Variants in LRRTM4 observed in about 807,000 individuals in gnomAD.
The protein encoded by LRRTM4 is leucine-rich repeat transmembrane neuronal protein 4.
LRRTM4 carries 25 observed loss-of-function variants against 47.6 expected under a neutral mutation model. The ratio of observed to expected loss-of-function variants is 0.53; its 90% CI spans 0.38 to 0.73. The LOEUF (loss-of-function observed/expected upper bound fraction) is 0.73. LRRTM4 is among the 30% of genes least tolerant of loss of function. The pLI is 0.00. For synonymous variants in LRRTM4, 311 were observed against 269.5 expected (o/e 1.15, Z -1.51); for missense variants, 638 against 713.4 (o/e 0.89, Z 1.20).
intron 3 of LRRTM4, among the ~76,000 whole-genome samples, chr2:77,059,154 T>C (rs747331654): frequency 1.3e-5 from 2 of 152,184 alleles, no homozygotes; most frequent in Non-Finnish European, 2.9e-5. Flanking sequence ...CTTTTATACA[T>C]GGTTATTTAG....
At chr2:76,939,590 T>C (rs922770554) in intron 3 of LRRTM4, among the ~76,000 whole-genome samples, 3 of 151,884 alleles carry the variant, frequency 2.0e-5, no homozygotes, top group African/African-American at 7.3e-5. Context: ...ATCTTAGTAC[T>C]GAAGGAATAG....
chr2:77,334,370 G>A (rs1558693011), intron 3 of LRRTM4, among the ~76,000 whole-genome samples: 2 of 152,246 alleles, frequency 1.3e-5, no homozygotes, highest in East Asian at 3.9e-4. Flanking sequence ...ATCTTGAATT[G>A]TAATTCCCAC....
intron 3 of LRRTM4, among the ~76,000 whole-genome samples, chr2:76,784,688 A>T (rs1674579277): frequency 6.6e-6 from 1 of 152,078 alleles, no homozygotes; most frequent in Non-Finnish European, 1.5e-5. Context: ...ATAGCTTCCT[A>T]AGTTCTTATT....
At chr2:77,198,585 G>T (rs931974277) in intron 3 of LRRTM4, among the ~76,000 whole-genome samples, 2 of 152,148 alleles carry the variant, frequency 1.3e-5, no homozygotes, top group Non-Finnish European at 2.9e-5. Context: ...ATAAAGGAAT[G>T]AAAGTTTAGA....
chr2:76,966,880 A>T (rs1030175112), intron 3 of LRRTM4, among the ~76,000 whole-genome samples: 2 of 151,426 alleles, frequency 1.3e-5, no homozygotes, highest in African/African-American at 4.8e-5. Context: ...GATTGCTTGT[A>T]TTGCCTTCAT....
intron 3 of LRRTM4, among the ~76,000 whole-genome samples, chr2:77,189,905 T>C (rs1451076228): frequency 6.6e-6 from 1 of 152,174 alleles, no homozygotes. Context: ...TTAATAAATG[T>C]ATAAATACTT....
intron 3 of LRRTM4, among the ~76,000 whole-genome samples, chr2:76,920,680 A>G (rs986450058): frequency 1.2e-4 from 18 of 152,104 alleles, no homozygotes; most frequent in Non-Finnish European, 2.5e-4. Flanking sequence ...TAAATACAGA[A>G]TAATGCTACA....
intron 3 of LRRTM4, among the ~76,000 whole-genome samples, chr2:77,169,247 T>G (rs1261026644): frequency 6.6e-6 from 1 of 152,130 alleles, no homozygotes; most frequent in Non-Finnish European, 1.5e-5. Context: ...GGGAAATAAA[T>G]GAAAGGCATC....
intron 3 of LRRTM4, among the ~76,000 whole-genome samples, chr2:77,470,971 T>G (rs1677166849): frequency 6.6e-6 from 1 of 152,138 alleles, no homozygotes; most frequent in African/African-American, 2.4e-5. Context: ...CAGTGCTTCT[T>G]GCTTGGTGAT....
rs141533551 is a variant in LRRTM4, at chr2:77,068,980, C to T, written c.1552-320064G>A. 2.2e-4 allele frequency among the ~76,000 whole-genome samples: 34 copies of T among 152,288 alleles called. No homozygotes were observed. The East Asian group carries it at 5.8e-3, about 26-fold the overall frequency. On this transcript the variant is annotated intron_variant, in intron 3 of 3. Coordinates refer to ENST00000409884, the MANE Select transcript of LRRTM4 (RefSeq NM_001134745.3). ...AAGGGCATGTTCCTGCTGCAGATAT[C>T]TAGCCAGACCCACCCCTTTATTTGG...
intron 3 of LRRTM4, among the ~76,000 whole-genome samples, chr2:77,426,511 C>A (rs1290348567): frequency 6.6e-6 from 1 of 152,106 alleles, no homozygotes; most frequent in Non-Finnish European, 1.5e-5. Flanking sequence ...ACATCCCCAC[C>A]CAAACCTCAT....
chr2:76,769,895 A>G (rs960303859), intron 3 of LRRTM4, among the ~76,000 whole-genome samples: 1 of 152,196 alleles, frequency 6.6e-6, no homozygotes, highest in African/African-American at 2.4e-5. Context: ...TTTTTTCAGA[A>G]TGCTGAGAAG....
intron 3 of LRRTM4, among the ~76,000 whole-genome samples, chr2:77,436,952 C>G (rs1377318483): frequency 2.0e-5 from 3 of 151,738 alleles, no homozygotes; most frequent in Non-Finnish European, 4.4e-5. Flanking sequence ...ATCCACATAA[C>G]ATATATATAA....
intron 3 of LRRTM4, among the ~76,000 whole-genome samples, chr2:77,140,738 C>CT (rs1672096989): frequency 6.6e-6 from 1 of 152,038 alleles, no homozygotes; most frequent in Admixed American, 6.6e-5. Context: ...TGACAAAGGG[C>CT]TAATATCCAG....
chr2:76,758,856 TAC>T (rs1673155236), intron 3 of LRRTM4, among the ~76,000 whole-genome samples: 1 of 152,152 alleles, frequency 6.6e-6, no homozygotes, highest in Non-Finnish European at 1.5e-5. Context: ...TTGCAACCCA[TAC>T]AGTCTCTACC....
intron 3 of LRRTM4, among the ~76,000 whole-genome samples, chr2:77,005,000 A>G (rs1677583534): frequency 6.6e-6 from 1 of 152,156 alleles, no homozygotes; most frequent in African/African-American, 2.4e-5. Context: ...TGTATCTAAA[A>G]AGTAATTAAC....
intron 3 of LRRTM4, among the ~76,000 whole-genome samples, chr2:77,385,741 C>CTTTT (rs33978835): frequency 7.3e-4 from 60 of 82,280 alleles, no homozygotes; most frequent in East Asian, 1.1e-3. Flanking sequence ...GTACATGGTA[C>CTTTT]TTTTTTTTTT....
intron 3 of LRRTM4, among the ~76,000 whole-genome samples, chr2:77,171,523 C>T (rs968054993): frequency 6.6e-5 from 10 of 151,920 alleles, no homozygotes; most frequent in South Asian, 2.1e-4. Flanking sequence ...GTGATCCACC[C>T]GCCTCGGCCT....
chr2:76,873,486 G>A (rs1339638906), intron 3 of LRRTM4, among the ~76,000 whole-genome samples: 1,501 of 125,646 alleles, frequency 0.012, 34 homozygotes, highest in African/African-American at 0.047. Flanking sequence ...ATATATATGT[G>A]TGTGTGTATA....
Sources: gnomAD v4.1 joint callset for allele counts (sites outside exome capture counted in the v4.1 genomes callset) on GRCh38, gnomAD v4.1.1 for gene constraint, MANE v1.5 for transcripts, NCBI Gene and HGNC (gene_info 2026-07-23, HGNC 2026-07-21) for gene names.